BRWD1: variants seen among roughly 807,000 people sequenced by gnomAD.
BRWD1 encodes the protein bromodomain and WD repeat domain containing 1.
In BRWD1, 82 loss-of-function variants were observed where a neutral mutation model predicts 251.2. The ratio of observed to expected loss-of-function variants is 0.33; its 90% CI spans 0.27 to 0.39. The LOEUF is 0.39. BRWD1 is among the 10% of genes least tolerant of loss of function. The pLI, the probability that BRWD1 is intolerant of heterozygous loss-of-function variation, is 1.00. For missense variants in BRWD1, 2,233 were observed against 2,711.6 expected, an observed-to-expected ratio of 0.82 and a Z score of 3.92; for synonymous variants, 918 against 902.8, an observed-to-expected ratio of 1.02 and a Z score of -0.30.
At chr21:39,290,367 T>G (rs1487807541) in intron 8 of BRWD1, among the ~76,000 whole-genome samples, 3 of 151,964 alleles carry the variant, frequency 2.0e-5, no homozygotes, top group Non-Finnish European at 4.4e-5. Context: ...CACGTGCCTG[T>G]AGCCCCAGCT....
chr21:39,224,323 A>C (rs2033297135), intron 29 of BRWD1, 85 bp downstream of exon 29: 1 of 743,596 alleles, frequency 1.3e-6, no homozygotes, highest in African/African-American at 1.8e-5. Context: ...TGATCATAGA[A>C]TACAAATATG....
Position 39,195,629 on chromosome 21 carries a change from C to T in BRWD1, c.*630G>A, listed in dbSNP as rs1478950182. ...CAAGTTTATAACATAAAAGTGACAA[C>T]GTTTTCCTTAAGAAGAAAAAAACCC... On this transcript the variant is annotated 3_prime_UTR_variant, in exon 41 of 41. Transcript: ENST00000342449. 2.0e-6 allele frequency: 2 copies of T among 983,716 alleles called. No homozygotes were observed. Among genetic ancestry groups the T allele is most frequent in the Non-Finnish European group, 2.4e-6 (2 of 828,428 alleles). The allele number at this position is 983,716 out of a possible 1,614,324, so 60.9% of individuals were successfully genotyped here.
chr21:39,196,265 G>C lies in BRWD1; in HGVS notation c.6804C>G (p.Thr2268=). The C allele has an allele frequency of 6.3e-7, 1 of 1,592,458 alleles. No homozygotes were observed. Among genetic ancestry groups the C allele is most frequent in the African/African-American group, 1.3e-5 (1 of 74,408 alleles). The part of the protein sequence containing the change: ...LENVLDFNGC[T]L ...AACTGGCTTTCCCTCAAGGTCATAA[G>C]GTGCAACCATTGAAATCTAACACAT... Residue 2268 remains threonine, a synonymous_variant, in exon 41 of 41, where the codon ACC becomes ACG. Coordinates refer to ENST00000342449, the MANE Select transcript of BRWD1 (RefSeq NM_033656.4).
At chr21:39,199,709 A>T in intron 39 of BRWD1, 47 bp from the exon 40 acceptor site, 1 of 1,451,994 alleles carries the variant, frequency 6.9e-7, no homozygotes, top group Non-Finnish European at 9.3e-7. Context: ...TCCTTATTTC[A>T]ACATTTTTAA....
chr21:39,318,637 T>C (rs1568992997), upstream of BRWD1, among the ~76,000 whole-genome samples: 1 of 152,146 alleles, frequency 6.6e-6, no homozygotes, highest in Non-Finnish European at 1.5e-5. Context: ...CCTGGGCTGT[T>C]TTTTGTTTTG....
upstream of BRWD1, chr21:39,314,369 G>A (rs1439719209): frequency 2.2e-6 from 1 of 455,426 alleles, no homozygotes; most frequent in Non-Finnish European, 4.4e-6. Flanking sequence ...CGAGTCGGGG[G>A]AGCAGCGCGC....
At chr21:39,225,235 C>G in intron 27 of BRWD1, 38 bp from the exon 28 acceptor site, 4 of 1,395,908 alleles carry the variant, frequency 2.9e-6, no homozygotes, top group Non-Finnish European at 4.1e-6. Flanking sequence ...CATTTCTCTG[C>G]TAACATTCAT....
In BRWD1 at chr21:39,277,511, CT is replaced by C. The variant is rs113807063; in HGVS notation, c.1004-161del. 2.9e-3 allele frequency among the ~76,000 whole-genome samples: 435 copies of C among 152,276 alleles called. 2 individuals are homozygous for C. Among genetic ancestry groups the C allele is most frequent in the African/African-American group, 9.9e-3 (412 of 41,548 alleles). ...GACTCACTATATAGAGGTTATAAAG[CT>C]GAACTTGTAGCTTTAAAAAACAAAA... is the stretch of plus-strand genomic sequence containing the variant. On this transcript the variant is annotated intron_variant, in intron 10 of 40. Transcript: ENST00000342449.
chr21:39,239,153 T>C (rs554561964), intron 21 of BRWD1, among the ~76,000 whole-genome samples: 1 of 152,274 alleles, frequency 6.6e-6, no homozygotes, highest in African/African-American at 2.4e-5. Flanking sequence ...ATTCTTTTAA[T>C]AGTGTCTTTC....
At chr21:39,243,327 A>G (rs970270760) in intron 21 of BRWD1, among the ~76,000 whole-genome samples, 3 of 152,256 alleles carry the variant, frequency 2.0e-5, no homozygotes, top group Non-Finnish European at 4.4e-5. Context: ...CAGACACAAC[A>G]AAATGTAACA....
chr21:39,317,853 C>T (rs973641244), upstream of BRWD1, among the ~76,000 whole-genome samples: 1 of 152,180 alleles, frequency 6.6e-6, no homozygotes, highest in Non-Finnish European at 1.5e-5. Context: ...GAGTTCAAGG[C>T]TGGTCTTAAA....
At chr21:39,266,127 A>T (rs1002005759) in intron 15 of BRWD1, among the ~76,000 whole-genome samples, 1 of 152,094 alleles carries the variant, frequency 6.6e-6, no homozygotes, top group Admixed American at 6.5e-5. Flanking sequence ...ACTCACGTCC[A>T]CGCCCAAGTA....
chr21:39,227,846 A>G (rs991672971), intron 27 of BRWD1, among the ~76,000 whole-genome samples: 2 of 152,184 alleles, frequency 1.3e-5, no homozygotes, highest in African/African-American at 2.4e-5. Context: ...AATTATGCCA[A>G]TGTTACATCA....
Position 39,313,435 on chromosome 21 carries a change from C to T in BRWD1, c.49+8G>A, listed in dbSNP as rs1489915821. 3.6e-6 allele frequency: 5 copies of T among 1,398,770 alleles called. No individual in the cohort carries two copies. The highest frequency in any genetic ancestry group is 3.7e-6 in the Non-Finnish European group (4 of 1,079,762). 86.6% of individuals were successfully genotyped at this position (1,398,770 alleles called of 1,614,324 possible). On this transcript the variant is annotated splice_region_variant and intron_variant, in intron 1 of 40. Coordinates refer to ENST00000342449, the MANE Select transcript of BRWD1 (RefSeq NM_033656.4). ...CCAGGGCGGGGGTGGCACGGCCTCG[C>T]GTCTTACCCGACTCGATGAGAGGCA...
At chr21:39,264,267 CTTAT>C (rs911022739) in intron 17 of BRWD1, among the ~76,000 whole-genome samples, 189 bp downstream of exon 17, 12 of 151,890 alleles carry the variant, frequency 7.9e-5, no homozygotes, top group African/African-American at 2.4e-4. Context: ...GAATGTCGTT[CTTAT>C]TTAGAGGTAA....
intron 1 of BRWD1, among the ~76,000 whole-genome samples, chr21:39,319,573 A>G (rs1339428562): frequency 6.6e-6 from 1 of 152,216 alleles, no homozygotes; most frequent in Non-Finnish European, 1.5e-5. Context: ...TAAGCATGAC[A>G]ACTAATAACA....
upstream of BRWD1, among the ~76,000 whole-genome samples, chr21:39,316,460 A>T (rs1348354145): frequency 6.6e-6 from 1 of 152,230 alleles, no homozygotes; most frequent in Non-Finnish European, 1.5e-5. Flanking sequence ...TGACAAAGAC[A>T]TCAAGAGGGG....
intron 8 of BRWD1, among the ~76,000 whole-genome samples, chr21:39,286,066 G>A (rs1300661254): frequency 8.0e-6 from 1 of 125,018 alleles, no homozygotes; most frequent in African/African-American, 3.2e-5. Context: ...CCAGGCTAGA[G>A]TGCAGTGGTG....
intron 23 of BRWD1, among the ~76,000 whole-genome samples, chr21:39,235,140 T>C (rs2033764410): frequency 6.6e-6 from 1 of 152,054 alleles, no homozygotes; most frequent in East Asian, 1.9e-4. Context: ...TCCCAGCTAC[T>C]TGGGAAGCTG....
Sources: gnomAD v4.1 joint callset for allele counts (sites outside exome capture counted in the v4.1 genomes callset) on GRCh38, gnomAD v4.1.1 for gene constraint, MANE v1.5 for transcripts, NCBI Gene and HGNC (gene_info 2026-07-23, HGNC 2026-07-21) for gene names.